Variants in KCNT1 observed in about 807,000 individuals in gnomAD.
KCNT1 encodes the protein potassium channel subfamily T member 1.
KCNT1 carries 78 observed loss-of-function variants against 147.8 expected under a neutral mutation model. The observed-to-expected ratio is 0.53, with a 90% confidence interval of 0.44 to 0.64. The LOEUF (loss-of-function observed/expected upper bound fraction) is 0.64, where lower values mean the gene tolerates loss of function less well. Ranked by LOEUF, KCNT1 falls within the 30% of genes least tolerant of loss-of-function variation. The probability of loss-of-function intolerance (pLI) is 0.00; values close to 1 mark genes in which losing one functional copy is unlikely to be tolerated. For synonymous variants in KCNT1, 867 were observed against 748.8 expected (o/e 1.16, Z -2.58); for missense variants, 1,419 against 1,750.3 (o/e 0.81, Z 3.38).
At chr9:135,765,219 G>A in intron 12 of KCNT1, 24 bp downstream of exon 12, 1 of 1,600,400 alleles carries the variant, frequency 6.2e-7, no homozygotes. Flanking sequence ...CCGTGGCCCA[G>A]CAGACGACTC....
intron 11 of KCNT1, among the ~76,000 whole-genome samples, chr9:135,763,395 C>T (rs1223983436): frequency 6.6e-6 from 1 of 152,254 alleles, no homozygotes; most frequent in Non-Finnish European, 1.5e-5. Flanking sequence ...CCTTCTGGAA[C>T]ACAGCAGCGC....
chr9:135,708,423 C>G (rs1331831379), intron 1 of KCNT1, among the ~76,000 whole-genome samples: 1 of 152,248 alleles, frequency 6.6e-6, no homozygotes, highest in East Asian at 1.9e-4. Context: ...ATGTGCTCAT[C>G]TCCCTCCTCC....
intron 12 of KCNT1, 64 bp downstream of exon 12, chr9:135,765,259 C>T (rs1036025868): frequency 8.8e-6 from 13 of 1,478,024 alleles, no homozygotes; most frequent in African/African-American, 1.4e-5. Context: ...GCCATCCTCT[C>T]CCCAGGACTG....
intron 1 of KCNT1, among the ~76,000 whole-genome samples, chr9:135,710,280 C>A (rs1261929374): frequency 6.6e-6 from 1 of 152,100 alleles, no homozygotes; most frequent in Non-Finnish European, 1.5e-5. Flanking sequence ...CAGATGGGGT[C>A]TAATCTTATT....
Position 135,755,166 on chromosome 9 carries a change from C to G in KCNT1, c.537C>G (p.Ile179Met). 1 of 1,611,204 alleles carries G rather than the reference C, an allele frequency of 6.2e-7. No homozygotes were observed. The highest frequency in any genetic ancestry group is 8.5e-7 in the Non-Finnish European group (1 of 1,178,502). The change falls in exon 6 of 31, where the codon ATC (isoleucine) becomes ATG (methionine). Residue 179 changes from isoleucine (I) to methionine (M), a missense_variant. By Grantham distance (10) the Ile-to-Met change is conservative. Transcript: ENST00000371757. Reference protein sequence around the residue: ...WVERKMTLWAIQVIVAIISFL... With the variant: ...WVERKMTLWAMQVIVAIISFL... ...AGAGAAAGATGACACTGTGGGCGAT[C>G]CAGGTGAGTGCCCTACCCTGCCCCC...
intron 2 of KCNT1, chr9:135,742,935 C>A: frequency 1.5e-6 from 1 of 669,076 alleles, no homozygotes. Flanking sequence ...CCAGGGCCAC[C>A]GGCACCTCCC....
At chr9:135,703,383 TGAG>T (rs138870540) in intron 1 of KCNT1, among the ~76,000 whole-genome samples, 2,082 of 152,208 alleles carry the variant, frequency 0.014, 28 homozygotes, top group Non-Finnish European at 0.021. Context: ...GAGTGTAAAA[TGAG>T]GAGGTAGGGC....
At chr9:135,785,437 C>T in intron 28 of KCNT1, 107 bp downstream of exon 28, 1 of 1,430,498 alleles carries the variant, frequency 7.0e-7, no homozygotes. Context: ...CCACAGGGCC[C>T]TGGGAAAGCC....
intron 25 of KCNT1, 35 bp from the exon 26 acceptor site, chr9:135,784,500 T>TCCCCCCC: frequency 6.5e-6 from 1 of 154,394 alleles, no homozygotes; most frequent in South Asian, 5.5e-5. Flanking sequence ...CCTCCCTCCC[T>TCCCCCCC]CCCTCCCTCC....
At chr9:135,743,520 G>A (rs955173596) in intron 2 of KCNT1, among the ~76,000 whole-genome samples, 2 of 152,138 alleles carry the variant, frequency 1.3e-5, no homozygotes, top group Non-Finnish European at 2.9e-5. Context: ...GAGTCCTGGA[G>A]GCTGGGAGGC....
At position 135,756,878 on chromosome 9, in the gene KCNT1, C is replaced by T. The variant is rs778118549; in HGVS notation, c.546C>T (p.Ile182=). ...TTCCCTTTCCTGACTCCCAGGTCAT[C>T]GTGGCCATAATAAGCTTCCTGGAGA... is the stretch of plus-strand genomic sequence containing the variant. ...RKMTLWAIQV[I]VAIISFLETM... The change falls in exon 7 of 31, where the codon ATC becomes ATT. Residue 182 remains isoleucine (I), a synonymous_variant. Transcript: ENST00000371757. The T allele has an allele frequency of 4.3e-6, 7 of 1,613,278 alleles. No homozygotes were observed. The highest frequency in any genetic ancestry group is 4.5e-5 in the East Asian group (2 of 44,836).
chr9:135,763,363 C>G (rs538761846), intron 11 of KCNT1, among the ~76,000 whole-genome samples: 2 of 152,222 alleles, frequency 1.3e-5, no homozygotes, highest in South Asian at 4.1e-4. Flanking sequence ...GTGATGACCC[C>G]GAGGCCCTCG....
intron 2 of KCNT1, among the ~76,000 whole-genome samples, chr9:135,733,930 TC>T (rs1830230697): frequency 1.6e-5 from 2 of 125,258 alleles, no homozygotes; most frequent in African/African-American, 6.2e-5. Context: ...GCCTGTTCCC[TC>T]CCCCCAGCCT....
In KCNT1 at chr9:135,709,109, G is replaced by A. The variant is rs141366899; in HGVS notation, c.111-5468G>A. Among the ~76,000 whole-genome samples, 701 of 152,338 alleles carry A rather than the reference G, an allele frequency of 4.6e-3. 3 individuals carry two copies. Among genetic ancestry groups the A allele is most frequent in the Non-Finnish European group, 7.1e-3 (485 of 68,018 alleles). On this transcript the variant is annotated intron_variant, in intron 1 of 30. Transcript: ENST00000371757. ...AGAACCCCACCCTGCCCCCAGCACT[G>A]TGGCTGCCAGTGTGTGGGGACAGTC...
chr9:135,748,097 A>G (rs1360687584), intron 2 of KCNT1, among the ~76,000 whole-genome samples: 1 of 152,076 alleles, frequency 6.6e-6, no homozygotes, highest in African/African-American at 2.4e-5. Flanking sequence ...ACGTGCCGCC[A>G]TGCCTGGCTA....
At chr9:135,732,037 GAGA>G (rs1564328416) in intron 2 of KCNT1, among the ~76,000 whole-genome samples, 3 of 140,896 alleles carry the variant, frequency 2.1e-5, no homozygotes, top group African/African-American at 5.2e-5. Flanking sequence ...GAGAGAGAGA[GAGA>G]GGGAGTCTCA....
chr9:135,731,889 T>C (rs1836446524), intron 2 of KCNT1, among the ~76,000 whole-genome samples: 1 of 150,292 alleles, frequency 6.7e-6, no homozygotes, highest in African/African-American at 2.5e-5. Flanking sequence ...GTGTCTTGTT[T>C]TCCTGGGACT....
chr9:135,707,705 C>T (rs1427864592), intron 1 of KCNT1, among the ~76,000 whole-genome samples: 2 of 152,184 alleles, frequency 1.3e-5, no homozygotes, highest in African/African-American at 4.8e-5. Flanking sequence ...TTCTGCCTCC[C>T]CCGACAACCT....
At chr9:135,761,501 C>T (rs1370340366) in intron 11 of KCNT1, among the ~76,000 whole-genome samples, 2 of 152,228 alleles carry the variant, frequency 1.3e-5, no homozygotes, top group South Asian at 2.1e-4. Flanking sequence ...TGCCCCAATC[C>T]GTAAATCTCA....
Sources: gnomAD v4.1 joint callset for allele counts (sites outside exome capture counted in the v4.1 genomes callset) on GRCh38, gnomAD v4.1.1 for gene constraint, MANE v1.5 for transcripts, NCBI Gene and HGNC (gene_info 2026-07-23, HGNC 2026-07-21) for gene names.